Variants in ZSCAN5A observed in about 807,000 individuals in gnomAD.
ZSCAN5A encodes zinc finger and SCAN domain containing 5A, also known as zinc finger and SCAN domain-containing protein 5A.
A neutral mutation model predicts 23.7 loss-of-function variants in ZSCAN5A; 12 were observed. The observed-to-expected ratio is 0.51, with a 90% CI of 0.32 to 0.82. The LOEUF (loss-of-function observed/expected upper bound fraction) is 0.82. Ranked by LOEUF, ZSCAN5A falls within the 40% of genes least tolerant of loss-of-function variation. ZSCAN5A has a pLI of 0.03. For missense variants in ZSCAN5A, 597 were observed against 617.9 expected (o/e 0.97, Z 0.36); for synonymous variants, 257 against 239.9 (o/e 1.07, Z -0.66).
intron 2 of ZSCAN5A, chr19:56,266,672 G>C (rs1195728217): frequency 1.3e-5 from 2 of 151,694 alleles, no homozygotes; most frequent in Admixed American, 1.3e-4. Context: ...GTAGAGACGG[G>C]GTTTCACCAT....
rs771969606 is a variant in ZSCAN5A at position 56,221,354 on chromosome 19, A to G, written c.*221T>C. 8 of 496,624 alleles carry G rather than the reference A, an allele frequency of 1.6e-5. No individual in the cohort carries two copies. The highest frequency in any genetic ancestry group is 2.4e-5 in the Non-Finnish European group (7 of 291,864). 30.8% of individuals were successfully genotyped at this position (496,624 alleles called of 1,614,324 possible). On this transcript the variant is annotated 3_prime_UTR_variant, in exon 6 of 6. Coordinates refer to ENST00000683990, the MANE Select transcript of ZSCAN5A (RefSeq NM_001322064.3). ...TCGTTTATTGGAAGAACAGCAACAC[A>G]AACCAAAATAAACCTATAAGAAAAC...
intron 2 of ZSCAN5A, among the ~76,000 whole-genome samples, chr19:56,326,128 G>A (rs1006544588): frequency 1.3e-5 from 2 of 151,664 alleles, no homozygotes; most frequent in African/African-American, 4.8e-5. Flanking sequence ...TAGTAGAGAC[G>A]GGGTTTCACC....
At chr19:56,305,423 C>T (rs1463685283) in intron 2 of ZSCAN5A, among the ~76,000 whole-genome samples, 1 of 152,172 alleles carries the variant, frequency 6.6e-6, no homozygotes, top group African/African-American at 2.4e-5. Flanking sequence ...GGACTGTATT[C>T]GTTTCTGCTG....
At chr19:56,331,745 G>A (rs1368043893) in intron 2 of ZSCAN5A, among the ~76,000 whole-genome samples, 1 of 151,618 alleles carries the variant, frequency 6.6e-6, no homozygotes, top group Admixed American at 6.6e-5. Context: ...CCGCCATCAT[G>A]CCCGGCTAAT....
intron 2 of ZSCAN5A, chr19:56,244,248 G>A (rs1268408397): frequency 1.9e-6 from 3 of 1,602,114 alleles, no homozygotes; most frequent in African/African-American, 1.3e-5. Context: ...ACTGAGCTGT[G>A]CCATCTGTGG....
intron 2 of ZSCAN5A, among the ~76,000 whole-genome samples, chr19:56,288,210 G>A (rs1012166007): frequency 7.2e-5 from 11 of 152,168 alleles, no homozygotes; most frequent in Non-Finnish European, 1.2e-4. Flanking sequence ...CTCCAGCCAC[G>A]TCTTGTACCA....
chr19:56,311,711 C>T (rs1165845404), intron 2 of ZSCAN5A, among the ~76,000 whole-genome samples: 1 of 152,074 alleles, frequency 6.6e-6, no homozygotes, highest in Non-Finnish European at 1.5e-5. Context: ...GCAGGCTGTG[C>T]AGTTTTGTTA....
chr19:56,230,018 G>C (rs1465448899), intron 2 of ZSCAN5A, among the ~76,000 whole-genome samples: 1 of 152,096 alleles, frequency 6.6e-6, no homozygotes, highest in Non-Finnish European at 1.5e-5. Flanking sequence ...ATAACATGTT[G>C]TTTGCAAAGA....
exon 1 of ZSCAN5A, chr19:56,368,247 C>T (rs1364663139): frequency 1.3e-5 from 2 of 152,396 alleles, no homozygotes; most frequent in Non-Finnish European, 2.9e-5. Context: ...CCATGTACGC[C>T]TCTGCATTCC....
chr19:56,265,087 A>C (rs1029139956), intron 2 of ZSCAN5A, among the ~76,000 whole-genome samples: 6 of 152,060 alleles, frequency 3.9e-5, no homozygotes, highest in Admixed American at 2.6e-4. Flanking sequence ...ACACCACTGC[A>C]CTCCAGCCCG....
chr19:56,343,808 A>G (rs1339749194), intron 2 of ZSCAN5A, among the ~76,000 whole-genome samples: 1 of 152,212 alleles, frequency 6.6e-6, no homozygotes, highest in Non-Finnish European at 1.5e-5. Flanking sequence ...AAACCTTTAC[A>G]TAAGCTTTGA....
At chr19:56,269,662 C>T (rs2037708615) in intron 2 of ZSCAN5A, among the ~76,000 whole-genome samples, 1 of 152,182 alleles carries the variant, frequency 6.6e-6, no homozygotes, top group African/African-American at 2.4e-5. Flanking sequence ...GTGAGAAAGA[C>T]TTGACCGGCC....
intron 2 of ZSCAN5A, among the ~76,000 whole-genome samples, chr19:56,230,526 A>ATT (rs2034366907): frequency 1.3e-5 from 2 of 151,974 alleles, no homozygotes; most frequent in East Asian, 1.9e-4. Flanking sequence ...TTAGTTATTT[A>ATT]ACTCTTGGGC....
chr19:56,262,933 A>G (rs182357188), intron 2 of ZSCAN5A, among the ~76,000 whole-genome samples: 37 of 152,314 alleles, frequency 2.4e-4, no homozygotes, highest in Non-Finnish European at 4.4e-4. Flanking sequence ...GTCGTTTTGC[A>G]TATGTCTTTT....
At chr19:56,252,966 T>C (rs2036454107) in intron 2 of ZSCAN5A, among the ~76,000 whole-genome samples, 1 of 152,234 alleles carries the variant, frequency 6.6e-6, no homozygotes, top group East Asian at 1.9e-4. Context: ...CAGTGGCGCC[T>C]CTTCCTCCTG....
At chr19:56,358,391 G>A (rs111566102) in intron 2 of ZSCAN5A, among the ~76,000 whole-genome samples, 10,565 of 148,986 alleles carry the variant, frequency 0.071, 1,111 homozygotes, top group East Asian at 0.14. Flanking sequence ...AAAGCGCTGG[G>A]ATTACAGGCG....
intron 2 of ZSCAN5A, among the ~76,000 whole-genome samples, chr19:56,225,850 C>T (rs138024231): frequency 6.6e-6 from 1 of 151,308 alleles, no homozygotes; most frequent in East Asian, 1.9e-4. Context: ...AGTGATCACC[C>T]CCTGCCCACC....
At chr19:56,290,032 G>A (rs77480487) in intron 2 of ZSCAN5A, among the ~76,000 whole-genome samples, 62 of 152,290 alleles carry the variant, frequency 4.1e-4, no homozygotes, top group African/African-American at 1.4e-3. Flanking sequence ...CAAGAGCACT[G>A]GTCAAATGGA....
chr19:56,284,067 C>A (rs1354336722), intron 2 of ZSCAN5A: 2 of 497,208 alleles, frequency 4.0e-6, no homozygotes, highest in African/African-American at 2.1e-5. Context: ...CTGTTCCCAG[C>A]CCCCAGCATC....
Sources: gnomAD v4.1 joint callset for allele counts (sites outside exome capture counted in the v4.1 genomes callset) on GRCh38, gnomAD v4.1.1 for gene constraint, MANE v1.5 for transcripts, NCBI Gene and HGNC (gene_info 2026-07-23, HGNC 2026-07-21) for gene names.